Variants in PRKN observed in about 807,000 individuals in gnomAD.
The protein encoded by PRKN is parkin RBR E3 ubiquitin protein ligase.
PRKN carries 56 observed loss-of-function variants against 59.5 expected under a neutral mutation model. The ratio of observed to expected loss-of-function variants is 0.94; its 90% CI spans 0.76 to 1.18. The LOEUF is 1.18. Among genes scored for constraint, PRKN ranks in the 50% most tolerant of loss-of-function variants. The pLI, the probability that PRKN is intolerant of heterozygous loss-of-function variation, is 0.00. For missense variants in PRKN, 657 were observed against 596.4 expected (o/e 1.10, Z -1.06); for synonymous variants, 250 against 222.1 (o/e 1.13, Z -1.12).
At chr6:162,422,129 A>G (rs1281302619) in intron 2 of PRKN, among the ~76,000 whole-genome samples, 1 of 152,240 alleles carries the variant, frequency 6.6e-6, no homozygotes, top group Non-Finnish European at 1.5e-5. Flanking sequence ...GGAAACAGTT[A>G]CTAAGACACC....
chr6:161,973,216 G>A (rs1476744403), intron 6 of PRKN, 86 bp downstream of exon 6: 3 of 878,384 alleles, frequency 3.4e-6, no homozygotes, highest in African/African-American at 3.3e-5. Context: ...AACAATATTG[G>A]GAAAGTAAGG....
intron 9 of PRKN, among the ~76,000 whole-genome samples, chr6:161,427,201 G>C (rs1052886531): frequency 6.6e-6 from 1 of 152,130 alleles, no homozygotes; most frequent in Non-Finnish European, 1.5e-5. Flanking sequence ...TGTATTTTTA[G>C]ACGAGACAGG....
At chr6:162,406,460 G>C (rs578178755) in intron 2 of PRKN, among the ~76,000 whole-genome samples, 1 of 152,156 alleles carries the variant, frequency 6.6e-6, no homozygotes, top group African/African-American at 2.4e-5. Context: ...GCAGTACTTA[G>C]ATATAGACTC....
intron 6 of PRKN, among the ~76,000 whole-genome samples, chr6:161,825,510 T>C (rs1000179388): frequency 6.6e-6 from 1 of 152,140 alleles, no homozygotes; most frequent in East Asian, 1.9e-4. Flanking sequence ...CCAGGAAGTG[T>C]CCTTGTCAAA....
chr6:161,570,412 C>T (rs976124882), intron 7 of PRKN, among the ~76,000 whole-genome samples: 1 of 149,252 alleles, frequency 6.7e-6, no homozygotes, highest in Non-Finnish European at 1.5e-5. Context: ...GACCCTGGAA[C>T]AACATGGGCT....
Position 161,981,049 on chromosome 6 carries a change from A to T in PRKN, c.619-7632T>A, listed in dbSNP as rs529265144. 1.7e-4 allele frequency among the ~76,000 whole-genome samples: 26 copies of T among 152,338 alleles called. No individual in the cohort carries two copies. The East Asian group carries it at 4.8e-3, about 28-fold the overall frequency. ...TCCATCCAAATTTTCCGATGATATT[A>T]ACAGGATACAGGGCTGTGGTTACTG... On this transcript the variant is annotated intron_variant, in intron 5 of 11. Transcript: ENST00000366898.
chr6:162,670,277 T>C (rs1779271404), intron 1 of PRKN, among the ~76,000 whole-genome samples: 1 of 152,198 alleles, frequency 6.6e-6, no homozygotes, highest in Non-Finnish European at 1.5e-5. Context: ...AAAAAATCTT[T>C]ATGACAATAA....
At chr6:162,026,691 C>T (rs1783449231) in intron 5 of PRKN, among the ~76,000 whole-genome samples, 1 of 152,120 alleles carries the variant, frequency 6.6e-6, no homozygotes, top group Non-Finnish European at 1.5e-5. Context: ...AAATGGCATT[C>T]ATCAAAATAA....
chr6:161,426,997 G>C (rs1384944415), intron 9 of PRKN, among the ~76,000 whole-genome samples: 2 of 151,914 alleles, frequency 1.3e-5, no homozygotes, highest in African/African-American at 4.8e-5. Context: ...GGGATTACAG[G>C]CGTGAGCCAC....
chr6:162,525,917 A>G (rs549494369), intron 1 of PRKN, among the ~76,000 whole-genome samples: 1 of 152,168 alleles, frequency 6.6e-6, no homozygotes. Flanking sequence ...GCAATGGTGC[A>G]ATCACGGCCC....
intron 1 of PRKN, among the ~76,000 whole-genome samples, chr6:162,681,131 ACT>A (rs1277155473): frequency 6.6e-6 from 1 of 152,180 alleles, no homozygotes; most frequent in African/African-American, 2.4e-5. Context: ...CAGCACATGC[ACT>A]CTGTTTCCTT....
intron 6 of PRKN, among the ~76,000 whole-genome samples, chr6:161,907,272 G>A (rs912166197): frequency 6.6e-6 from 1 of 151,968 alleles, no homozygotes; most frequent in African/African-American, 2.4e-5. Flanking sequence ...AAACTTCACT[G>A]TTCTTTGAAT....
chr6:161,902,556 A>AT (rs1554245442), intron 6 of PRKN, among the ~76,000 whole-genome samples: 2 of 118,202 alleles, frequency 1.7e-5, no homozygotes, highest in African/African-American at 3.5e-5. Flanking sequence ...CTATTTATTT[A>AT]TTTATTTATT....
intron 2 of PRKN, among the ~76,000 whole-genome samples, chr6:162,295,277 G>A (rs1168605728): frequency 6.6e-6 from 1 of 152,152 alleles, no homozygotes; most frequent in Non-Finnish European, 1.5e-5. Flanking sequence ...TCCACTTAGG[G>A]CCAAAATAAT....
At position 161,352,011 on chromosome 6, in the gene PRKN, G is replaced by T. The variant is rs954055631; in HGVS notation, c.1286-1800C>A. Reference sequence around the variant, plus strand: ...CAGCCCTGCTTCAGTCGCTGTGGGGGAACTGAAGGGAGGAGGAAGTGATTT... The same window carrying T: ...CAGCCCTGCTTCAGTCGCTGTGGGGTAACTGAAGGGAGGAGGAAGTGATTT... On this transcript the variant is annotated intron_variant, in intron 11 of 11. Coordinates refer to ENST00000366898, the MANE Select transcript of PRKN (RefSeq NM_004562.3). The surrounding 1 kb of genome is among the most constrained non-coding windows in gnomAD (Gnocchi z 5.8). 2.0e-5 allele frequency among the ~76,000 whole-genome samples: 3 copies of T among 152,200 alleles called. No individual in the cohort carries two copies. Among genetic ancestry groups the T allele is most frequent in the Non-Finnish European group, 4.4e-5 (3 of 68,038 alleles).
chr6:162,531,297 A>C (rs967490146), intron 1 of PRKN, among the ~76,000 whole-genome samples: 3 of 152,220 alleles, frequency 2.0e-5, no homozygotes, highest in African/African-American at 7.2e-5. Context: ...CAAGGGGTTC[A>C]CCTTGCTCGC....
chr6:162,339,869 G>GTGTC (rs1784085572), intron 2 of PRKN, among the ~76,000 whole-genome samples: 2 of 149,200 alleles, frequency 1.3e-5, no homozygotes, highest in Admixed American at 1.3e-4. Flanking sequence ...AACATGTGCT[G>GTGTC]TGTCCACTCA....
rs75229356 is a variant in PRKN at position 161,389,892 on chromosome 6, A to G, written c.1084-3015T>C. Among the ~76,000 whole-genome samples the G allele has an allele frequency of 2.7e-3, 404 of 152,342 alleles. 2 individuals are homozygous for G. The highest frequency in any genetic ancestry group is 8.8e-3 in the African/African-American group (366 of 41,578). ...TAAATAGGCTTTTCCTGACACAAAG[A>G]CATTAAATTCCCTTTCACACCAGTA... On this transcript the variant is annotated intron_variant, in intron 9 of 11. Transcript: ENST00000366898.
Position 161,528,457 on chromosome 6 carries a change from G to T in PRKN, c.1083+20397C>A, listed in dbSNP as rs1006790111. Among the ~76,000 whole-genome samples the T allele has an allele frequency of 2.6e-5, 4 of 152,190 alleles. No individual in the cohort carries two copies. In the South Asian group the frequency reaches 8.3e-4, roughly 32 times the overall value. On this transcript the variant is annotated intron_variant, in intron 9 of 11. Transcript: ENST00000366898. ...CTCAATAATATCCACCAGCACCCCA[G>T]TGAAAATGGGAAATAAGACAGGAAC... is the stretch of plus-strand genomic sequence containing the variant.
Sources: gnomAD v4.1 joint callset for allele counts (sites outside exome capture counted in the v4.1 genomes callset) on GRCh38, gnomAD v4.1.1 for gene constraint, Gnocchi (gnomAD v3.1) non-coding constraint, MANE v1.5 for transcripts, NCBI Gene and HGNC (gene_info 2026-07-23, HGNC 2026-07-21) for gene names.